The following MMP26 variants were observed in gnomAD, a reference collection of about 807,000 sequenced individuals.
MMP26 encodes matrix metalloproteinase-26.
A neutral mutation model predicts 31.0 loss-of-function variants in MMP26; 33 were observed. That is an observed-to-expected ratio of 1.06 (90% CI 0.81 to 1.42). The LOEUF (loss-of-function observed/expected upper bound fraction) is 1.42, where lower values mean the gene tolerates loss of function less well. Among genes scored for constraint, MMP26 ranks in the 40% most tolerant of loss-of-function variants. The pLI is 0.00. For missense variants in MMP26, 347 were observed against 316.1 expected, an observed-to-expected ratio of 1.10 and a Z score of -0.74; for synonymous variants, 122 against 114.9, an observed-to-expected ratio of 1.06 and a Z score of -0.40.
intron 1 of MMP26, among the ~76,000 whole-genome samples, chr11:4,717,397 C>T (rs1847948850): frequency 6.6e-6 from 1 of 151,962 alleles, no homozygotes; most frequent in African/African-American, 2.4e-5. Context: ...AGTAAGAGCT[C>T]TTCTTTTTAA....
chr11:4,866,101 C>G (rs1850230142), intron 2 of MMP26, among the ~76,000 whole-genome samples: 3 of 151,934 alleles, frequency 2.0e-5, no homozygotes, highest in African/African-American at 7.3e-5. Context: ...ATTGGCATAC[C>G]ACCAAGATGT....
intron 1 of MMP26, among the ~76,000 whole-genome samples, chr11:4,742,661 A>C (rs974922654): frequency 6.6e-6 from 1 of 152,150 alleles, no homozygotes; most frequent in African/African-American, 2.4e-5. Flanking sequence ...TGGGTAATAT[A>C]GTTTGAAAGA....
intron 2 of MMP26, chr11:4,875,965 G>A (rs1390682307): frequency 6.6e-6 from 1 of 152,126 alleles, no homozygotes. Context: ...ATTCCTTAAA[G>A]TGTGTCTTTC....
chr11:4,800,176 A>G (rs6578531), intron 2 of MMP26, among the ~76,000 whole-genome samples: 19,029 of 152,248 alleles, frequency 0.12, 2,334 homozygotes, highest in African/African-American at 0.32. Flanking sequence ...CTGGCTTACT[A>G]GAGTCTCTCT....
intron 2 of MMP26, among the ~76,000 whole-genome samples, chr11:4,977,116 C>T (rs772679056): frequency 2.6e-4 from 40 of 151,210 alleles, no homozygotes; most frequent in Non-Finnish European, 5.1e-4. Context: ...TTTACTGTTA[C>T]TTAAAGATTT....
At chr11:4,808,767 T>C (rs1849311719) in intron 2 of MMP26, among the ~76,000 whole-genome samples, 1 of 151,290 alleles carries the variant, frequency 6.6e-6, no homozygotes, top group Non-Finnish European at 1.5e-5. Flanking sequence ...TTTCTTTTTT[T>C]TTTTTTGGTG....
chr11:4,738,135 A>T (rs1304053018), intron 1 of MMP26, among the ~76,000 whole-genome samples: 2 of 152,166 alleles, frequency 1.3e-5, no homozygotes, highest in Non-Finnish European at 2.9e-5. Flanking sequence ...GCCCACAGGA[A>T]AAAAATTCAG....
chr11:4,872,377 T>G (rs931612682), intron 2 of MMP26, among the ~76,000 whole-genome samples: 6 of 152,060 alleles, frequency 3.9e-5, no homozygotes, highest in Non-Finnish European at 8.8e-5. Context: ...CCTTCTCCTT[T>G]TCATTAAAAT....
At position 4,890,855 on chromosome 11, in the gene MMP26, G is replaced by C. The variant is rs141231548; in HGVS notation, c.-144-97213G>C. Among the ~76,000 whole-genome samples the C allele has an allele frequency of 7.3e-3, 1,116 of 151,906 alleles. 11 individuals carry two copies. The highest frequency in any genetic ancestry group is 0.026 in the African/African-American group (1,063 of 41,462). ...TCCTCAGAAGGCTTACCCACATAAA[G>C]AGCAGTAACTTTCAAACAAATTCCT... On this transcript the variant is annotated intron_variant, in intron 2 of 7. Transcript: ENST00000380390.
At chr11:4,934,752 A>G (rs1047652468) in intron 2 of MMP26, among the ~76,000 whole-genome samples, 1 of 149,338 alleles carries the variant, frequency 6.7e-6, no homozygotes, top group Non-Finnish European at 1.5e-5. Flanking sequence ...TGATTTTTGT[A>G]TAAGGTGTAT....
At chr11:4,882,769 C>T (rs1028470828) in intron 2 of MMP26, 2 of 1,613,782 alleles carry the variant, frequency 1.2e-6, no homozygotes, top group African/African-American at 1.3e-5. Flanking sequence ...CTGTGCTGAA[C>T]CCTATCATTT....
intron 2 of MMP26, chr11:4,871,764 C>G (rs973162491): frequency 2.6e-5 from 4 of 152,140 alleles, no homozygotes; most frequent in African/African-American, 9.7e-5. Context: ...AAATCTGAGG[C>G]CTGAGAAGTG....
At chr11:4,725,414 A>C (rs578136075) in intron 1 of MMP26, among the ~76,000 whole-genome samples, 13 of 152,220 alleles carry the variant, frequency 8.5e-5, no homozygotes, top group Admixed American at 2.6e-4. Context: ...CTTTTTACAT[A>C]CCCTAATGGT....
intron 2 of MMP26, chr11:4,769,030 T>C (rs1564904967): frequency 1.3e-6 from 2 of 1,528,114 alleles, no homozygotes; most frequent in Non-Finnish European, 1.8e-6. Flanking sequence ...GTTTTGTTTT[T>C]ACACTGTCGA....
In MMP26 at chr11:4,952,468, T is replaced by C. The variant is rs1334376051; in HGVS notation, c.-144-35600T>C. The stretch of plus-strand genomic sequence containing the variant: ...AAACCCATATCTGTATTTGTAAGAC[T>C]TTGGAAAAGGCAGATGGATATAGTT... On this transcript the variant is annotated intron_variant, in intron 2 of 7. Transcript: ENST00000380390. Among the ~76,000 whole-genome samples the C allele has an allele frequency of 1.6e-5, 2 of 125,768 alleles. 1 individual carries two copies. Among genetic ancestry groups the C allele is most frequent in the Non-Finnish European group, 3.6e-5 (2 of 55,434 alleles). The allele number at this position is 125,768 out of a possible 152,430, so 82.5% of individuals were successfully genotyped here. A position where few individuals can be genotyped will look rare whatever the true frequency, so the allele number is the denominator to read the frequency against.
chr11:4,988,634 A>G (rs1227338463), intron 3 of MMP26, among the ~76,000 whole-genome samples: 1 of 152,098 alleles, frequency 6.6e-6, no homozygotes, highest in Non-Finnish European at 1.5e-5. Context: ...TCTGATCTAT[A>G]TACTGGAGTG....
At chr11:4,813,133 T>C (rs1341594145) in intron 2 of MMP26, among the ~76,000 whole-genome samples, 1 of 151,974 alleles carries the variant, frequency 6.6e-6, no homozygotes, top group Non-Finnish European at 1.5e-5. Context: ...GCCTCCCAAG[T>C]AGCTGGGATT....
intron 1 of MMP26, among the ~76,000 whole-genome samples, chr11:4,745,658 A>G (rs1342682914): frequency 2.0e-5 from 3 of 152,124 alleles, no homozygotes; most frequent in Non-Finnish European, 4.4e-5. Flanking sequence ...TTGGTGTTGT[A>G]TGTTCTATGG....
At chr11:4,887,085 TTA>T (rs1850555550) in intron 2 of MMP26, among the ~76,000 whole-genome samples, 1 of 152,062 alleles carries the variant, frequency 6.6e-6, no homozygotes, top group African/African-American at 2.4e-5. Flanking sequence ...TATTTCTTGA[TTA>T]TATGTTACAT....
Sources: allele counts gnomAD v4.1 joint callset (sites outside exome capture counted in the v4.1 genomes callset), GRCh38; gene constraint gnomAD v4.1.1; transcripts MANE v1.5; gene names NCBI Gene and HGNC (gene_info 2026-07-23, HGNC 2026-07-21).